TAX1BP1: variants seen among roughly 807,000 people sequenced by gnomAD.
TAX1BP1 encodes tax1-binding protein 1.
A neutral mutation model predicts 97.7 loss-of-function variants in TAX1BP1; 62 were observed. The ratio of observed to expected loss-of-function variants is 0.63; its 90% CI spans 0.52 to 0.78. The LOEUF (loss-of-function observed/expected upper bound fraction) is 0.78. Ranked by LOEUF, TAX1BP1 falls within the 30% of genes least tolerant of loss-of-function variation. TAX1BP1 has a pLI of 0.00. For missense variants in TAX1BP1, 867 were observed against 916.1 expected (o/e 0.95, Z 0.69); for synonymous variants, 340 against 304.2 (o/e 1.12, Z -1.23).
At chr7:27,761,996 G>A (rs1788446241) in intron 3 of TAX1BP1, among the ~76,000 whole-genome samples, 1 of 152,158 alleles carries the variant, frequency 6.6e-6, no homozygotes, top group Non-Finnish European at 1.5e-5. Context: ...ATTTGATGGT[G>A]TCATTGCTTT....
At position 27,796,162 on chromosome 7, in the gene TAX1BP1, G is replaced by T; in HGVS notation, c.1581G>T (p.Met527Ile). Reference sequence around the variant, plus strand: ...TAACAAAGGGGCAAGTCTGTGAAATGACCAAAGAAATTGCTGACAAAACAG... The same window carrying T: ...TAACAAAGGGGCAAGTCTGTGAAATTACCAAAGAAATTGCTGACAAAACAG... ...DIVTKGQVCE[M>I]TKEIADKTEK... Residue 527 changes from methionine to isoleucine, a missense_variant, in exon 12 of 17, where the codon ATG becomes ATT. Transcript: ENST00000396319. The T allele has an allele frequency of 1.2e-6, 2 of 1,600,592 alleles. No individual in the cohort carries two copies. The highest frequency in any genetic ancestry group is 2.3e-5 in the South Asian group (2 of 87,224).
intron 1 of TAX1BP1, among the ~76,000 whole-genome samples, chr7:27,746,644 T>G (rs932885217): frequency 6.6e-6 from 1 of 152,168 alleles, no homozygotes; most frequent in Non-Finnish European, 1.5e-5. Context: ...GTTAAGTCTT[T>G]CCATGAAATA....
intron 8 of TAX1BP1, among the ~76,000 whole-genome samples, chr7:27,788,573 C>G (rs1789580007): frequency 6.6e-6 from 1 of 152,016 alleles, no homozygotes; most frequent in Admixed American, 6.5e-5. Context: ...ATTCCTGTCA[C>G]CCTTCCCTCT....
At chr7:27,814,958 T>G (rs1362225783) in intron 13 of TAX1BP1, among the ~76,000 whole-genome samples, 2 of 152,082 alleles carry the variant, frequency 1.3e-5, no homozygotes, top group Non-Finnish European at 2.9e-5. Context: ...AGGATGGTCT[T>G]GATCTCCTGA....
At chr7:27,784,345 A>G (rs906750701) in intron 5 of TAX1BP1, among the ~76,000 whole-genome samples, 11 of 152,198 alleles carry the variant, frequency 7.2e-5, no homozygotes, top group Admixed American at 3.9e-4. Context: ...AGTCTTATGA[A>G]TTGTCCATTT....
chr7:27,778,544 A>T (rs1789122159), intron 5 of TAX1BP1, among the ~76,000 whole-genome samples: 2 of 152,150 alleles, frequency 1.3e-5, no homozygotes, highest in South Asian at 4.1e-4. Flanking sequence ...AACCTATATT[A>T]ACTTCAGTTA....
At chr7:27,824,531 CAG>C (rs1791096183) in intron 15 of TAX1BP1, among the ~76,000 whole-genome samples, 2 of 107,668 alleles carry the variant, frequency 1.9e-5, no homozygotes, top group African/African-American at 7.6e-5. Context: ...TCCTGGGTGA[CAG>C]AGCAAGACCT....
chr7:27,771,097 A>ATATTTTTTTTTT (rs1788828412), intron 5 of TAX1BP1, among the ~76,000 whole-genome samples: 2 of 40,570 alleles, frequency 4.9e-5, no homozygotes, highest in Non-Finnish European at 9.9e-5. Flanking sequence ...ACATTCAGCA[A>ATATTTTTTTTTT]TTTTTTTTTT....
At chr7:27,744,618 A>G (rs1054420423) in intron 1 of TAX1BP1, among the ~76,000 whole-genome samples, 50 of 152,306 alleles carry the variant, frequency 3.3e-4, no homozygotes, top group African/African-American at 1.1e-3. Context: ...ACTATGGTCT[A>G]TTTTTCAGTA....
chr7:27,758,512 A>T (rs990248577), intron 3 of TAX1BP1, among the ~76,000 whole-genome samples: 1 of 152,076 alleles, frequency 6.6e-6, no homozygotes, highest in Non-Finnish European at 1.5e-5. Context: ...GATTAACAGA[A>T]CTTATAGTTA....
At chr7:27,818,389 C>A (rs554098703) in intron 15 of TAX1BP1, among the ~76,000 whole-genome samples, 2 of 152,216 alleles carry the variant, frequency 1.3e-5, no homozygotes, top group South Asian at 2.1e-4. Flanking sequence ...AAAAAAAATT[C>A]TTGTTGTTAC....
intron 15 of TAX1BP1, among the ~76,000 whole-genome samples, chr7:27,817,442 T>C (rs1425080587): frequency 2.0e-5 from 3 of 152,208 alleles, no homozygotes; most frequent in Non-Finnish European, 4.4e-5. Context: ...ATCTTTTCTT[T>C]ATAGCATTTA....
intron 5 of TAX1BP1, among the ~76,000 whole-genome samples, chr7:27,777,379 ACT>A (rs1789072324): frequency 6.6e-6 from 1 of 151,764 alleles, no homozygotes; most frequent in African/African-American, 2.4e-5. Context: ...GACTGGGGTT[ACT>A]CTCTCCCCAC....
At chr7:27,788,158 A>C (rs1223250369) in intron 8 of TAX1BP1, among the ~76,000 whole-genome samples, 2 of 152,054 alleles carry the variant, frequency 1.3e-5, no homozygotes, top group African/African-American at 2.4e-5. Flanking sequence ...AATGTTCTAT[A>C]ATCTGGATTT....
chr7:27,780,671 A>C (rs934836934), intron 5 of TAX1BP1, among the ~76,000 whole-genome samples: 77 of 152,302 alleles, frequency 5.1e-4, no homozygotes, highest in African/African-American at 1.7e-3. Flanking sequence ...GCCAATTGTC[A>C]TCAAGAAAAG....
At chr7:27,770,398 A>G (rs1788798704) in intron 5 of TAX1BP1, among the ~76,000 whole-genome samples, 1 of 152,094 alleles carries the variant, frequency 6.6e-6, no homozygotes. Context: ...GACTTGTAAG[A>G]AGCCAAAAAC....
At chr7:27,805,191 A>G (rs1790289846) in intron 13 of TAX1BP1, among the ~76,000 whole-genome samples, 1 of 152,174 alleles carries the variant, frequency 6.6e-6, no homozygotes, top group African/African-American at 2.4e-5. Flanking sequence ...CAGGCTTTCT[A>G]ATTTTTGCAT....
At position 27,817,108 on chromosome 7, in the gene TAX1BP1, A is replaced by G. The variant is rs1790800142; in HGVS notation, c.2085+70A>G. 2.0e-6 allele frequency: 3 copies of G among 1,516,818 alleles called. No individual in the cohort carries two copies. In the South Asian group the frequency reaches 3.9e-5, roughly 20 times the overall value. The allele number at this position is 1,516,818 out of a possible 1,614,324, so 94.0% of individuals were successfully genotyped here. ...TTAGCTTATGTAGAGAGTTAAGGGT[A>G]TGTGTGCATATGTGTATCTTTGTGC... On this transcript the variant is annotated intron_variant, in intron 15 of 16. Coordinates refer to ENST00000396319, the MANE Select transcript of TAX1BP1 (RefSeq NM_006024.7).
intron 1 of TAX1BP1, among the ~76,000 whole-genome samples, chr7:27,743,459 A>T (rs949682389): frequency 1.3e-5 from 2 of 152,206 alleles, no homozygotes; most frequent in Non-Finnish European, 2.9e-5. Context: ...ACTTTCAGTA[A>T]CTCTATCAAC....
Sources: gnomAD v4.1 joint callset for allele counts (sites outside exome capture counted in the v4.1 genomes callset) on GRCh38, gnomAD v4.1.1 for gene constraint, MANE v1.5 for transcripts, NCBI Gene and HGNC (gene_info 2026-07-23, HGNC 2026-07-21) for gene names.